Variants in GALK2 observed in about 807,000 individuals in gnomAD.
GALK2 encodes the protein N-acetylgalactosamine kinase.
Under a neutral mutation model 52.4 loss-of-function variants are expected in GALK2, and 36 were observed. The ratio of observed to expected loss-of-function variants is 0.69; its 90% CI spans 0.53 to 0.91. The LOEUF (loss-of-function observed/expected upper bound fraction) is 0.91, where lower values mean the gene tolerates loss of function less well. Among genes scored for constraint, GALK2 ranks in the 40% least tolerant of loss-of-function variants. GALK2 has a pLI of 0.00. For missense variants in GALK2, 579 were observed against 559.1 expected (o/e 1.04, Z -0.36); for synonymous variants, 176 against 199.1 (o/e 0.88, Z 0.98).
chr15:49,235,738 A>C, intron 3 of GALK2, 113 bp from the exon 4 acceptor site: 1 of 790,878 alleles, frequency 1.3e-6, no homozygotes, highest in Non-Finnish European at 2.3e-6. Context: ...TGAACATAAA[A>C]GGTAAAGGAG....
At chr15:49,321,253 G>A (rs1332708235) in intron 9 of GALK2, among the ~76,000 whole-genome samples, 3 of 152,128 alleles carry the variant, frequency 2.0e-5, no homozygotes, top group East Asian at 3.9e-4. Context: ...CATAGGCCCT[G>A]AGGTGGATAC....
intron 5 of GALK2, among the ~76,000 whole-genome samples, chr15:49,279,980 AT>A (rs2032454604): frequency 2.6e-5 from 4 of 152,256 alleles, no homozygotes; most frequent in African/African-American, 9.6e-5. Flanking sequence ...AACAAGGAAT[AT>A]GACACTTGCA....
At chr15:49,258,385 C>T (rs900171907) in intron 5 of GALK2, among the ~76,000 whole-genome samples, 4 of 152,030 alleles carry the variant, frequency 2.6e-5, no homozygotes, top group South Asian at 4.2e-4. Context: ...GATGAGGTAA[C>T]GTTTGAGCAG....
chr15:49,363,270 C>T (rs1280929068), intron 3 of GALK2, among the ~76,000 whole-genome samples: 1 of 152,130 alleles, frequency 6.6e-6, no homozygotes, highest in Non-Finnish European at 1.5e-5. Context: ...GAATGTTCTT[C>T]CACTTGTTTG....
chr15:49,347,349 T>C (rs2041656052), intron 3 of GALK2, among the ~76,000 whole-genome samples: 1 of 152,212 alleles, frequency 6.6e-6, no homozygotes, highest in African/African-American at 2.4e-5. Flanking sequence ...GAATAAAGAC[T>C]GTAACAGCTT....
intron 1 of GALK2, among the ~76,000 whole-genome samples, chr15:49,181,443 C>G (rs919872951): frequency 1.3e-5 from 2 of 150,790 alleles, no homozygotes; most frequent in African/African-American, 4.9e-5. Context: ...TCTTATTCAT[C>G]TCCTTTCAAA....
rs2141319703 is a variant in GALK2, at chr15:49,204,025, G to C, written c.142+2775G>C. ...AGCTACGCAGGGGGCTGAGGCACGA[G>C]AATCTCTTGAATCTGGGAGGCGGAG... is the stretch of plus-strand genomic sequence containing the variant. On this transcript the variant is annotated intron_variant, in intron 2 of 9. Transcript: ENST00000560031. Among the ~76,000 whole-genome samples the C allele has an allele frequency of 3.3e-5, 5 of 149,792 alleles. No homozygotes were observed. The South Asian group carries it at 1.1e-3, about 31-fold the overall frequency.
intron 3 of GALK2, among the ~76,000 whole-genome samples, chr15:49,355,315 C>T (rs572454838): frequency 6.6e-5 from 10 of 152,182 alleles, no homozygotes; most frequent in African/African-American, 2.4e-4. Context: ...ACATTCAAAC[C>T]AAAGGCAAAG....
At chr15:49,192,829 CT>C (rs967631530) in intron 1 of GALK2, among the ~76,000 whole-genome samples, 67 of 151,658 alleles carry the variant, frequency 4.4e-4, no homozygotes, top group African/African-American at 1.6e-3. Flanking sequence ...AAAATTTTTT[CT>C]TTTAGAGACA....
intron 2 of GALK2, among the ~76,000 whole-genome samples, chr15:49,207,311 G>C (rs941115534): frequency 6.6e-6 from 1 of 152,160 alleles, no homozygotes; most frequent in Non-Finnish European, 1.5e-5. Context: ...TCTTGGTTAT[G>C]TCCTTTCCTG....
At chr15:49,270,451 G>A (rs1337898638) in intron 5 of GALK2, among the ~76,000 whole-genome samples, 3 of 152,146 alleles carry the variant, frequency 2.0e-5, no homozygotes, top group Non-Finnish European at 4.4e-5. Flanking sequence ...AAAATATAAT[G>A]AAAATCACCT....
intron 1 of GALK2, among the ~76,000 whole-genome samples, chr15:49,173,207 G>C (rs1435204015): frequency 6.6e-6 from 1 of 152,174 alleles, no homozygotes; most frequent in Admixed American, 6.5e-5. Context: ...ATAATGTTCT[G>C]AAGGTTCATG....
intron 3 of GALK2, chr15:49,225,301 C>G (rs2090066481): frequency 2.2e-6 from 1 of 452,564 alleles, no homozygotes; most frequent in Non-Finnish European, 4.4e-6. Flanking sequence ...GTTCCCCAAT[C>G]CCTGTTACTG....
downstream of GALK2, among the ~76,000 whole-genome samples, chr15:49,335,919 C>G (rs543977800): frequency 6.6e-6 from 1 of 152,234 alleles, no homozygotes; most frequent in African/African-American, 2.4e-5. Context: ...GTAACATGAT[C>G]ATAGTTCACT....
rs550957201 is a variant in GALK2 at position 49,273,042 on chromosome 15, A to G, written c.505-8945A>G. The stretch of plus-strand genomic sequence containing the variant: ...CCAACTACTAGCTTTCTCCAGGTTC[A>G]TTAGATCACGTTCTCTCCACTGTAC... On this transcript the variant is annotated intron_variant, in intron 5 of 9. Transcript: ENST00000560031. Among the ~76,000 whole-genome samples, 10 of 152,306 alleles carry G rather than the reference A, an allele frequency of 6.6e-5. No individual in the cohort carries two copies. In the South Asian group the frequency reaches 1.9e-3, roughly 28 times the overall value.
chr15:49,334,301 T>C (rs1176685732), downstream of GALK2: 3 of 943,308 alleles, frequency 3.2e-6, no homozygotes, highest in Non-Finnish European at 3.8e-6. Context: ...CCCTATAAAG[T>C]TAAAGTTTGA....
Position 49,347,889 on chromosome 15 carries a change from G to C in GALK2, c.427-19602G>C, listed in dbSNP as rs1211590071. Reference sequence around the variant, plus strand: ...TACAAATTAGCTGGGCGTGGTGGCAGATGCCTGTAGTCCCAGCTACTCGGG... The same window carrying C: ...TACAAATTAGCTGGGCGTGGTGGCACATGCCTGTAGTCCCAGCTACTCGGG... On this transcript the variant is annotated intron_variant, in intron 3 of 3. Transcript: ENST00000558399. 4.0e-5 allele frequency among the ~76,000 whole-genome samples: 6 copies of C among 151,894 alleles called. No individual in the cohort carries two copies. In the East Asian group the frequency reaches 1.2e-3, roughly 29 times the overall value.
At chr15:49,242,221 T>G (rs1481628900) in intron 5 of GALK2, among the ~76,000 whole-genome samples, 7 of 152,194 alleles carry the variant, frequency 4.6e-5, no homozygotes. Context: ...AAATGACATG[T>G]TAGGTATAAC....
At chr15:49,315,962 A>G (rs2036372280) in intron 8 of GALK2, among the ~76,000 whole-genome samples, 1 of 152,226 alleles carries the variant, frequency 6.6e-6, no homozygotes, top group African/African-American at 2.4e-5. Context: ...AATCCTAAAG[A>G]AATATGTAAT....
Sources: gnomAD v4.1 joint callset for allele counts (sites outside exome capture counted in the v4.1 genomes callset) on GRCh38, gnomAD v4.1.1 for gene constraint, MANE v1.5 for transcripts, NCBI Gene and HGNC (gene_info 2026-07-23, HGNC 2026-07-21) for gene names.